SLC4A4: variants seen among roughly 807,000 people sequenced by gnomAD.
The protein encoded by SLC4A4 is electrogenic sodium bicarbonate cotransporter 1.
SLC4A4 carries 27 observed loss-of-function variants against 111.5 expected under a neutral mutation model. The ratio of observed to expected loss-of-function variants is 0.24; its 90% CI spans 0.18 to 0.33. The LOEUF (loss-of-function observed/expected upper bound fraction) is 0.33, where lower values mean the gene tolerates loss of function less well. SLC4A4 is among the 10% of genes least tolerant of loss of function. SLC4A4 has a pLI of 1.00. For synonymous variants in SLC4A4, 443 were observed against 463.4 expected (o/e 0.96, Z 0.57); for missense variants, 909 against 1,315.5 (o/e 0.69, Z 4.78).
At chr4:71,175,832 G>A (rs545078314) in intron 2 of SLC4A4, among the ~76,000 whole-genome samples, 61 of 152,190 alleles carry the variant, frequency 4.0e-4, no homozygotes, top group Non-Finnish European at 6.8e-4. Context: ...AGAGAGTAGC[G>A]GTTCTCCAAG....
intron 12 of SLC4A4, 125 bp downstream of exon 12, chr4:71,453,794 C>A: frequency 1.2e-6 from 1 of 859,308 alleles, no homozygotes; most frequent in Non-Finnish European, 1.9e-6. Flanking sequence ...TTGCTGGATG[C>A]TGCATTTTAC....
intron 3 of SLC4A4, 147 bp downstream of exon 3, chr4:71,255,546 G>C: frequency 1.1e-6 from 1 of 938,886 alleles, no homozygotes; most frequent in South Asian, 1.4e-5. Context: ...TGTCTGTGGA[G>C]ATGCTTTGCT....
intron 3 of SLC4A4, among the ~76,000 whole-genome samples, chr4:71,292,083 A>G (rs2149103449): frequency 6.6e-6 from 1 of 152,314 alleles, no homozygotes; most frequent in Admixed American, 6.5e-5. Flanking sequence ...AAAAGAAGAG[A>G]AATTTGTAGA....
In SLC4A4 at chr4:71,478,007, G is replaced by GA. The variant is rs1002347660; in HGVS notation, c.1903+5044dup. Among the ~76,000 whole-genome samples the GA allele has an allele frequency of 3.4e-4, 52 of 151,714 alleles. 1 individual carries two copies. On this transcript the variant is annotated intron_variant, in intron 14 of 25. Coordinates refer to ENST00000264485, the MANE Select transcript of SLC4A4 (RefSeq NM_001098484.3). ...AGAAATTTATGCTGCCAACAAACATGAAAAAAAGTTCATTATTGCTGGTCA... is the reference window on the plus strand; with the variant it reads ...AGAAATTTATGCTGCCAACAAACATGAAAAAAAAGTTCATTATTGCTGGTCA...
intron 16 of SLC4A4, among the ~76,000 whole-genome samples, chr4:71,520,079 A>T (rs1037113964): frequency 1.3e-5 from 2 of 152,218 alleles, no homozygotes; most frequent in Non-Finnish European, 2.9e-5. Flanking sequence ...ATAGTGTTTT[A>T]TAATTAAAAC....
At chr4:71,385,191 A>ATATATATATATATATTTTTTT (rs56949097) in intron 6 of SLC4A4, among the ~76,000 whole-genome samples, 1 of 11,896 alleles carries the variant, frequency 8.4e-5, no homozygotes, top group African/African-American at 2.5e-4. Flanking sequence ...ATATATATAT[A>ATATATATATATATATTTTTTT]TTTTTTTTTT....
chr4:71,128,478 T>G (rs1344338843), intron 2 of SLC4A4, among the ~76,000 whole-genome samples: 2 of 151,882 alleles, frequency 1.3e-5, no homozygotes, highest in Middle Eastern at 3.2e-3. Context: ...GAAAAAAAAT[T>G]GGGGTATCAA....
chr4:71,277,538 TTTTC>T (rs1344671652), intron 3 of SLC4A4, among the ~76,000 whole-genome samples: 2 of 151,066 alleles, frequency 1.3e-5, no homozygotes, highest in Non-Finnish European at 3.0e-5. Context: ...TTCCTTCTCT[TTTTC>T]TTTCTTTCTC....
At chr4:71,441,815 TTAAAA>T (rs567007681) in intron 8 of SLC4A4, among the ~76,000 whole-genome samples, 2 of 152,186 alleles carry the variant, frequency 1.3e-5, no homozygotes, top group Non-Finnish European at 2.9e-5. Context: ...TCTTAGACAC[TTAAAA>T]TAGGAATGAT....
At chr4:71,301,222 T>C in intron 3 of SLC4A4, 1 of 241,586 alleles carries the variant, frequency 4.1e-6, no homozygotes, top group South Asian at 4.7e-5. Flanking sequence ...CTGGTGTAGT[T>C]AGCAAGGGGA....
chr4:71,285,515 G>A (rs944398871), intron 3 of SLC4A4, among the ~76,000 whole-genome samples: 6 of 152,162 alleles, frequency 3.9e-5, no homozygotes, highest in African/African-American at 1.2e-4. Flanking sequence ...GGGGCTTGAT[G>A]AAGCATCAGA....
chr4:71,131,824 A>G (rs959999841), intron 2 of SLC4A4, among the ~76,000 whole-genome samples: 5 of 152,168 alleles, frequency 3.3e-5, no homozygotes, highest in Non-Finnish European at 7.4e-5. Flanking sequence ...TCCCGAGCCC[A>G]TGAGATCGGG....
chr4:71,226,569 G>A (rs1356332878), intron 1 of SLC4A4, among the ~76,000 whole-genome samples: 2 of 152,066 alleles, frequency 1.3e-5, no homozygotes, highest in South Asian at 4.1e-4. Context: ...TTAAAAATAT[G>A]CTTGAAAAAT....
intron 3 of SLC4A4, among the ~76,000 whole-genome samples, chr4:71,304,359 C>T (rs1485573559): frequency 6.6e-6 from 1 of 152,166 alleles, no homozygotes; most frequent in East Asian, 1.9e-4. Context: ...TCTGAAAGCC[C>T]AAGAACCAGG....
rs1737836781 is a variant in SLC4A4, at chr4:71,570,199, T to C, written c.*2448T>C. ...ATCTGTGGTTTCATGCCCCTCTCTATACCTTTCAAAGAACTCCTGAAGCAA... is the reference window on the plus strand; with the variant it reads ...ATCTGTGGTTTCATGCCCCTCTCTACACCTTTCAAAGAACTCCTGAAGCAA... On this transcript the variant is annotated 3_prime_UTR_variant, in exon 26 of 26. Coordinates refer to ENST00000264485, the MANE Select transcript of SLC4A4 (RefSeq NM_001098484.3). 6.7e-6 allele frequency: 1 copy of C among 148,520 alleles called. No homozygotes were observed. The highest frequency in any genetic ancestry group is 2.5e-5 in the African/African-American group (1 of 40,630). The allele number at this position is 148,520 out of a possible 1,614,324, so 9.2% of individuals were successfully genotyped here. A position where few individuals can be genotyped will look rare whatever the true frequency, so the allele number is the denominator to read the frequency against.
chr4:71,071,622 C>T (rs187557104), intron 1 of SLC4A4, among the ~76,000 whole-genome samples: 170 of 152,224 alleles, frequency 1.1e-3, no homozygotes, highest in African/African-American at 3.9e-3. Context: ...AGTTATCCTT[C>T]CAGAGATGTT....
chr4:71,081,258 A>G (rs1741986403), intron 1 of SLC4A4, among the ~76,000 whole-genome samples: 2 of 152,032 alleles, frequency 1.3e-5, no homozygotes. Context: ...TTTCCTCTGT[A>G]TATTTGTGGA....
At chr4:71,272,968 A>G (rs987684568) in intron 3 of SLC4A4, among the ~76,000 whole-genome samples, 64 of 152,218 alleles carry the variant, frequency 4.2e-4, no homozygotes, top group African/African-American at 1.3e-3. Flanking sequence ...ATTAAATACC[A>G]GAATAAATTA....
chr4:71,221,509 G>A (rs908466231), intron 1 of SLC4A4, among the ~76,000 whole-genome samples: 5 of 152,048 alleles, frequency 3.3e-5, no homozygotes, highest in African/African-American at 1.2e-4. Context: ...AACTTTAAAT[G>A]TATTCCTTTT....
Sources: gnomAD v4.1 joint callset for allele counts (sites outside exome capture counted in the v4.1 genomes callset) on GRCh38, gnomAD v4.1.1 for gene constraint, MANE v1.5 for transcripts, NCBI Gene and HGNC (gene_info 2026-07-23, HGNC 2026-07-21) for gene names.